MLXIP: variants seen among roughly 807,000 people sequenced by gnomAD.
MLXIP encodes MLX interacting protein.
MLXIP carries 30 observed loss-of-function variants against 87.2 expected under a neutral mutation model. The observed-to-expected ratio is 0.34, with a 90% CI of 0.26 to 0.47. The LOEUF is 0.47. Among genes scored for constraint, MLXIP ranks in the 20% least tolerant of loss-of-function variants. The pLI is 1.00. For missense variants in MLXIP, 1,002 were observed against 1,240.1 expected (o/e 0.81, Z 2.88); for synonymous variants, 530 against 514.0 (o/e 1.03, Z -0.42).
At chr12:122,099,081 T>TA (rs919746143) in intron 1 of MLXIP, among the ~76,000 whole-genome samples, 2 of 152,042 alleles carry the variant, frequency 1.3e-5, no homozygotes, top group African/African-American at 2.4e-5. Context: ...AAAAATTATT[T>TA]AAAAAATTAG....
At chr12:122,127,838 A>C (rs1952905131) in intron 2 of MLXIP, 45 bp from the exon 3 acceptor site, 1 of 1,543,810 alleles carries the variant, frequency 6.5e-7, no homozygotes, top group African/African-American at 1.4e-5. Flanking sequence ...GGGCTCCCTC[A>C]GGGGTCTGGA....
rs772639622 is a variant in MLXIP, at chr12:122,132,273, C to T, written c.1001-19C>T. On this transcript the variant is annotated intron_variant, in intron 7 of 16. Transcript: ENST00000319080. The stretch of plus-strand genomic sequence containing the variant: ...GCTGGGCACACTGAGCTCAGAAGAC[C>T]CCTGCTGTTGTTTTTCAGACCTCTT... 2.1e-5 allele frequency: 33 copies of T among 1,586,354 alleles called. No individual in the cohort carries two copies. The highest frequency in any genetic ancestry group is 2.8e-5 in the Non-Finnish European group (32 of 1,160,206).
In MLXIP at chr12:122,089,391, A is replaced by G. The variant is rs574050354; in HGVS notation, c.413+10125A>G. Among the ~76,000 whole-genome samples, 145 of 152,344 alleles carry G rather than the reference A, an allele frequency of 9.5e-4. 1 individual carries two copies. The highest frequency in any genetic ancestry group is 3.5e-3 in the African/African-American group (144 of 41,578). ...GGAAACGCTTTCAATGCATTCTTAAAACAGTATATAATTATCCTAGCTTGG... is the reference window on the plus strand; with the variant it reads ...GGAAACGCTTTCAATGCATTCTTAAGACAGTATATAATTATCCTAGCTTGG... On this transcript the variant is annotated intron_variant, in intron 1 of 16. Transcript: ENST00000319080.
rs572004626 is a variant in MLXIP at position 122,126,267 on chromosome 12, C to T, written c.414-989C>T. Among the ~76,000 whole-genome samples the T allele has an allele frequency of 4.6e-5, 7 of 152,310 alleles. No homozygotes were observed. The East Asian group carries it at 1.2e-3, about 25-fold the overall frequency. ...TTGTTAATTGAGCCCCTACTATGTG[C>T]CAAGCCACCAAACGTCCTCCCTAGA... On this transcript the variant is annotated intron_variant, in intron 1 of 16. Transcript: ENST00000319080.
At chr12:122,089,036 G>C (rs968694478) in intron 1 of MLXIP, among the ~76,000 whole-genome samples, 2 of 147,458 alleles carry the variant, frequency 1.4e-5, no homozygotes, top group Non-Finnish European at 3.0e-5. Flanking sequence ...AAAAAAATTA[G>C]CTGGGTGTGG....
At chr12:122,138,357 G>T in intron 13 of MLXIP, 62 bp downstream of exon 13, 1 of 1,612,002 alleles carries the variant, frequency 6.2e-7, no homozygotes, top group Non-Finnish European at 8.5e-7. Context: ...TGCTCCCTGC[G>T]TGGTCATTGC....
intron 4 of MLXIP, 24 bp from the exon 5 acceptor site, chr12:122,129,564 C>T (rs1436564570): frequency 3.7e-6 from 6 of 1,612,726 alleles, no homozygotes; most frequent in South Asian, 1.1e-5. Context: ...TGGTGACCGC[C>T]GTGTCCTGTC....
At chr12:122,139,298 G>A (rs1473976892) in intron 15 of MLXIP, among the ~76,000 whole-genome samples, 1 of 152,236 alleles carries the variant, frequency 6.6e-6, no homozygotes, top group African/African-American at 2.4e-5. Context: ...CGAAGCCACA[G>A]GGAGGGTGAG....
intron 2 of MLXIP, 146 bp downstream of exon 2, chr12:122,127,508 G>A (rs1952899896): frequency 4.7e-6 from 3 of 637,522 alleles, no homozygotes; most frequent in African/African-American, 1.8e-5. Flanking sequence ...AAGCCATCAG[G>A]CCCAGCAGAG....
At chr12:122,140,804 A>G (rs907402339) in intron 15 of MLXIP, 150 bp from the exon 16 acceptor site, 6 of 1,220,546 alleles carry the variant, frequency 4.9e-6, no homozygotes, top group Non-Finnish European at 7.2e-6. Context: ...CCTTGCCTAG[A>G]GATCTCTCCC....
intron 1 of MLXIP, among the ~76,000 whole-genome samples, chr12:122,118,800 A>G (rs1256228630): frequency 6.7e-6 from 1 of 149,850 alleles, no homozygotes; most frequent in Non-Finnish European, 1.5e-5. Context: ...GTGAGCTGAG[A>G]TTGCCACTGC....
Position 122,078,883 on chromosome 12 carries a change from G to A in MLXIP, c.30G>A (p.Pro10=), listed in dbSNP as rs1468750347. 7.1e-6 allele frequency: 8 copies of A among 1,132,876 alleles called. No homozygotes were observed. Among genetic ancestry groups the A allele is most frequent in the South Asian group, 5.5e-5 (2 of 36,152 alleles). 70.2% of individuals were successfully genotyped at this position (1,132,876 alleles called of 1,614,324 possible). A position where few individuals can be genotyped will look rare whatever the true frequency, so the allele number is the denominator to read the frequency against. ...CCGCCGACGTCTTCATGTGCTCCCC[G>A]CGCCGGCCTCGCAGCCGGGGCCGCC... MAADVFMCS[P]RRPRSRGRQV... The change falls in exon 1 of 17, where the codon CCG becomes CCA. Residue 10 remains proline, a synonymous_variant. Transcript: ENST00000319080.
chr12:122,098,520 G>A lies in MLXIP; in HGVS notation c.413+19254G>A, dbSNP rs1040624369. The stretch of plus-strand genomic sequence containing the variant: ...TCCTGGGAGCTTGAGCTGCCCAGTA[G>A]GCGACCCATGGCTGCAGAACAGCCA... On this transcript the variant is annotated intron_variant, in intron 1 of 16. Transcript: ENST00000319080. Among the ~76,000 whole-genome samples the A allele has an allele frequency of 2.6e-5, 4 of 152,334 alleles. No homozygotes were observed. In the South Asian group the frequency reaches 8.3e-4, roughly 32 times the overall value.
At position 122,141,090 on chromosome 12, in the gene MLXIP, G is replaced by A. The variant is rs1953193856; in HGVS notation, c.2638+7G>A. 1.2e-6 allele frequency: 2 copies of A among 1,605,462 alleles called. No individual in the cohort carries two copies. The highest frequency in any genetic ancestry group is 1.7e-4 in the Middle Eastern group (1 of 6,056). The stretch of plus-strand genomic sequence containing the variant: ...CTGCCCATCCTCAGGCCGAGTGAGT[G>A]GGGCAGTGCCAGGGTGGGGGGCTTC... On this transcript the variant is annotated splice_region_variant and intron_variant, in intron 16 of 16. Transcript: ENST00000319080.
chr12:122,128,731 C>T (rs6489242), intron 3 of MLXIP: 85,696 of 171,632 alleles, frequency 0.5, 22,119 homozygotes, highest in African/African-American at 0.61. Flanking sequence ...GCACATTCCA[C>T]CTGAAACTTC....
At position 122,078,837 on chromosome 12, in the gene MLXIP, C is replaced by G. The variant is rs1308175798; in HGVS notation, c.-17C>G. The G allele has an allele frequency of 7.8e-5, 83 of 1,061,020 alleles. No individual in the cohort carries two copies. The highest frequency in any genetic ancestry group is 9.2e-5 in the Non-Finnish European group (81 of 879,482). The allele number at this position is 1,061,020 out of a possible 1,614,324, so 65.7% of individuals were successfully genotyped here. On this transcript the variant is annotated 5_prime_UTR_variant, in exon 1 of 17. Coordinates refer to ENST00000319080, the MANE Select transcript of MLXIP (RefSeq NM_014938.6). ...TTGCCCCGGGCTCCGGGGGATGCCC[C>G]CGGCCGAGCCCTTCTCATGGCCGCC...
intron 1 of MLXIP, among the ~76,000 whole-genome samples, chr12:122,106,895 C>T (rs1241978310): frequency 6.6e-6 from 1 of 152,152 alleles, no homozygotes; most frequent in Non-Finnish European, 1.5e-5. Context: ...AGCCACAGCA[C>T]CCGGCCTTCA....
At chr12:122,092,122 G>A (rs1952255048) in intron 1 of MLXIP, among the ~76,000 whole-genome samples, 1 of 150,274 alleles carries the variant, frequency 6.7e-6, no homozygotes, top group South Asian at 2.1e-4. Context: ...CTTTGAGACA[G>A]GATCTCTCCC....
At chr12:122,112,770 A>G (rs551907759) in intron 1 of MLXIP, among the ~76,000 whole-genome samples, 1 of 152,214 alleles carries the variant, frequency 6.6e-6, no homozygotes, top group African/African-American at 2.4e-5. Context: ...ATGGGGAAAG[A>G]TGGATTATTT....
Sources: gnomAD v4.1 joint callset for allele counts (sites outside exome capture counted in the v4.1 genomes callset) on GRCh38, gnomAD v4.1.1 for gene constraint, MANE v1.5 for transcripts, NCBI Gene and HGNC (gene_info 2026-07-23, HGNC 2026-07-21) for gene names.